AHR: variants seen among roughly 807,000 people sequenced by gnomAD.
AHR encodes aryl hydrocarbon receptor.
A neutral mutation model predicts 86.8 loss-of-function variants in AHR; 40 were observed. The ratio of observed to expected loss-of-function variants is 0.46; its 90% CI spans 0.36 to 0.60. The LOEUF is 0.60. Among genes scored for constraint, AHR ranks in the 20% least tolerant of loss-of-function variants. The pLI, the probability that AHR is intolerant of heterozygous loss-of-function variation, is 0.00. For missense variants in AHR, 1,001 were observed against 1,011.6 expected, an observed-to-expected ratio of 0.99 and a Z score of 0.14; for synonymous variants, 398 against 354.9, an observed-to-expected ratio of 1.12 and a Z score of -1.37.
intron 3 of AHR, among the ~76,000 whole-genome samples, chr7:17,325,242 C>T (rs533201581): frequency 2.0e-4 from 30 of 152,210 alleles, no homozygotes; most frequent in African/African-American, 7.0e-4. Flanking sequence ...GTGCATCTAT[C>T]GTTTCTAGAT....
chr7:17,323,128 TAGA>T (rs1782191659), intron 3 of AHR, among the ~76,000 whole-genome samples: 1 of 152,120 alleles, frequency 6.6e-6, no homozygotes, highest in South Asian at 2.1e-4. Context: ...GTAGATTAGT[TAGA>T]AGACCGGTCA....
rs532633369 is a variant in AHR at position 17,335,569 on chromosome 7, A to G, written c.1019-76A>G. ...GAAATACATCCAGAACTATGTCACA[A>G]GAGCTTTGTTTTAGGAATAATCTTT... On this transcript the variant is annotated intron_variant, in intron 8 of 10. Transcript: ENST00000242057. 8 of 1,280,476 alleles carry G rather than the reference A, an allele frequency of 6.2e-6. No homozygotes were observed. In the East Asian group the frequency reaches 1.6e-4, roughly 25 times the overall value. 79.3% of individuals were successfully genotyped at this position (1,280,476 alleles called of 1,614,324 possible).
rs1782399392 is a variant in AHR, at chr7:17,339,814, T to G, written c.1989T>G (p.Asn663Lys). Residue 663 changes from asparagine to lysine, a missense_variant, in exon 10 of 11, where the codon AAT becomes AAG. Coordinates refer to ENST00000242057, the MANE Select transcript of AHR (RefSeq NM_001621.5). Reference protein sequence around the residue: ...NWNSNQFVPFNCPQQDPQQYN... With the variant: ...NWNSNQFVPFKCPQQDPQQYN... ...ACTCTAACCAATTCGTGCCTTTCAATTGTCCACAGCAAGACCCACAACAAT... is the reference window on the plus strand; with the variant it reads ...ACTCTAACCAATTCGTGCCTTTCAAGTGTCCACAGCAAGACCCACAACAAT... 1.2e-6 allele frequency: 2 copies of G among 1,614,090 alleles called. No individual in the cohort carries two copies. Among genetic ancestry groups the G allele is most frequent in the African/African-American group, 1.3e-5 (1 of 74,918 alleles).
In AHR at chr7:17,339,090, C is replaced by A; in HGVS notation, c.1265C>A (p.Ala422Asp). 1 of 1,614,056 alleles carries A rather than the reference C, an allele frequency of 6.2e-7. No homozygotes were observed. The highest frequency in any genetic ancestry group is 8.5e-7 in the Non-Finnish European group (1 of 1,180,022). The stretch of plus-strand genomic sequence containing the variant: ...TATGAGGCAACCAACCCTTTTCCTG[C>A]CATAATGGATCCCTTACCACTAAGG... ...VLYEATNPFP[A>D]IMDPLPLRTK... Residue 422 changes from alanine to aspartate, a missense_variant, in exon 10 of 11, where the codon GCC becomes GAC. Transcript: ENST00000242057.
intron 3 of AHR, among the ~76,000 whole-genome samples, chr7:17,324,575 G>A (rs1024636616): frequency 6.6e-6 from 1 of 152,154 alleles, no homozygotes; most frequent in Non-Finnish European, 1.5e-5. Flanking sequence ...GGCCAAGGCG[G>A]GCAGATCACG....
intron 1 of AHR, among the ~76,000 whole-genome samples, chr7:17,303,058 T>C (rs1395101792): frequency 2.0e-5 from 3 of 152,026 alleles, no homozygotes; most frequent in Non-Finnish European, 4.4e-5. Flanking sequence ...ATAAATACCA[T>C]ACAAATCTTT....
At chr7:17,333,889 T>C (rs1471752352) in intron 6 of AHR, 23 bp from the exon 7 acceptor site, 1 of 1,596,676 alleles carries the variant, frequency 6.3e-7, no homozygotes, top group Admixed American at 1.7e-5. Flanking sequence ...AATGAACTTT[T>C]TTGTTGTTGT....
rs1322115106 is a variant in AHR at position 17,343,257 on chromosome 7, A to G, written c.*193A>G. The stretch of plus-strand genomic sequence containing the variant: ...AGTTTAAAAATGGTATCAAAATTAC[A>G]TATACTACAGTCAAGATAGAAAGGG... On this transcript the variant is annotated 3_prime_UTR_variant, in exon 11 of 11. Coordinates refer to ENST00000242057, the MANE Select transcript of AHR (RefSeq NM_001621.5). 4.6e-6 allele frequency: 3 copies of G among 649,924 alleles called. No homozygotes were observed. Among genetic ancestry groups the G allele is most frequent in the Admixed American group, 3.0e-5 (1 of 33,372 alleles). 40.3% of individuals were successfully genotyped at this position (649,924 alleles called of 1,614,324 possible). A position where few individuals can be genotyped will look rare whatever the true frequency, so the allele number is the denominator to read the frequency against.
chr7:17,329,812 A>G lies in AHR; in HGVS notation c.451-140A>G, dbSNP rs1032335162. ...TCTACCTTAGGTTCTATCTTAGGTGACTAGGGAATTTTAGGAATCATTCAA... is the reference window on the plus strand; with the variant it reads ...TCTACCTTAGGTTCTATCTTAGGTGGCTAGGGAATTTTAGGAATCATTCAA... On this transcript the variant is annotated intron_variant, in intron 4 of 10. Transcript: ENST00000242057. The G allele has an allele frequency of 5.6e-6, 4 of 713,396 alleles. No individual in the cohort carries two copies. The African/African-American group carries it at 7.3e-5, about 13-fold the overall frequency. 44.2% of individuals were successfully genotyped at this position (713,396 alleles called of 1,614,324 possible). A position where few individuals can be genotyped will look rare whatever the true frequency, so the allele number is the denominator to read the frequency against.
At chr7:17,334,410 A>G (rs968881985) in intron 7 of AHR, among the ~76,000 whole-genome samples, 1 of 151,976 alleles carries the variant, frequency 6.6e-6, no homozygotes, top group African/African-American at 2.4e-5. Flanking sequence ...CACAAATGTT[A>G]TTTGATTTCT....
chr7:17,311,573 T>A (rs753736022), intron 2 of AHR, among the ~76,000 whole-genome samples: 3 of 152,234 alleles, frequency 2.0e-5, no homozygotes, highest in Non-Finnish European at 4.4e-5. Flanking sequence ...GTCTTTCTTT[T>A]GGACAAAAGC....
Position 17,298,828 on chromosome 7 carries a change from G to A in AHR, c.-437G>A, listed in dbSNP as rs1248253172. The stretch of plus-strand genomic sequence containing the variant: ...TTTAGGAAGTCCCGGGAGCAGCGCG[G>A]CGGCACCTCCCTCACCCAAGGGGCC... On this transcript the variant is annotated 5_prime_UTR_variant, in exon 1 of 11. Coordinates refer to ENST00000242057, the MANE Select transcript of AHR (RefSeq NM_001621.5). 2.5e-6 allele frequency: 1 copy of A among 398,416 alleles called. No homozygotes were observed. Among genetic ancestry groups the A allele is most frequent in the Non-Finnish European group, 4.4e-6 (1 of 225,956 alleles). 24.7% of individuals were successfully genotyped at this position (398,416 alleles called of 1,614,324 possible).
intron 3 of AHR, among the ~76,000 whole-genome samples, chr7:17,323,513 A>G (rs1260605735): frequency 6.6e-6 from 1 of 152,092 alleles, no homozygotes; most frequent in Non-Finnish European, 1.5e-5. Flanking sequence ...TAAAATTCTC[A>G]GATACTTATT....
chr7:17,331,550 A>G (rs936236879), intron 6 of AHR, among the ~76,000 whole-genome samples: 2 of 152,030 alleles, frequency 1.3e-5, no homozygotes, highest in African/African-American at 2.4e-5. Flanking sequence ...CTTTTTTAAT[A>G]GGAGGATGCT....
At chr7:17,320,228 A>T (rs938456421) in intron 2 of AHR, among the ~76,000 whole-genome samples, 6 of 151,970 alleles carry the variant, frequency 3.9e-5, no homozygotes, top group Non-Finnish European at 8.8e-5. Context: ...AGTTATTTCC[A>T]TAGCTTATAT....
chr7:17,327,962 C>T, intron 4 of AHR, 114 bp downstream of exon 4: 1 of 318,574 alleles, frequency 3.1e-6, no homozygotes, highest in Admixed American at 5.0e-5. Context: ...CTGTAGAATA[C>T]AGTATGTATT....
Position 17,343,410 on chromosome 7 carries a change from C to A in AHR, c.*346C>A, listed in dbSNP as rs112720436. On this transcript the variant is annotated 3_prime_UTR_variant, in exon 11 of 11. Coordinates refer to ENST00000242057, the MANE Select transcript of AHR (RefSeq NM_001621.5). ...AAAATATTCTCTATTTGAATTATTT[C>A]TGTCACAGTAAAAATAAAATACTTT... The A allele has an allele frequency of 2.9e-5, 6 of 209,504 alleles. No individual in the cohort carries two copies. Among genetic ancestry groups the A allele is most frequent in the African/African-American group, 1.4e-4 (6 of 42,824 alleles). 13.0% of individuals were successfully genotyped at this position (209,504 alleles called of 1,614,324 possible). A position where few individuals can be genotyped will look rare whatever the true frequency, so the allele number is the denominator to read the frequency against.
In AHR at chr7:17,345,575, A is replaced by G. The variant is rs1044750586; in HGVS notation, c.*2511A>G. 5.2e-5 allele frequency: 8 copies of G among 152,686 alleles called. No individual in the cohort carries two copies. Among genetic ancestry groups the G allele is most frequent in the African/African-American group, 9.6e-5 (4 of 41,454 alleles). The allele number at this position is 152,686 out of a possible 1,614,324, so 9.5% of individuals were successfully genotyped here. On this transcript the variant is annotated 3_prime_UTR_variant, in exon 11 of 11. Transcript: ENST00000242057. ...TTAAACCTTTTATTATAAGTCTTAC[A>G]TAAACCATTTTTGTTACTCTCTTCC... is the stretch of plus-strand genomic sequence containing the variant.
intron 5 of AHR, among the ~76,000 whole-genome samples, chr7:17,330,449 C>T (rs890695886): frequency 6.6e-6 from 1 of 151,798 alleles, no homozygotes; most frequent in African/African-American, 2.4e-5. Context: ...TATAAAAATG[C>T]TTTTCTCAAT....
Sources: allele counts gnomAD v4.1 joint callset (sites outside exome capture counted in the v4.1 genomes callset), GRCh38; gene constraint gnomAD v4.1.1; transcripts MANE v1.5; gene names NCBI Gene and HGNC (gene_info 2026-07-23, HGNC 2026-07-21).